Variants in FBXO38 observed in about 807,000 individuals in gnomAD.
FBXO38 encodes the protein F-box protein 38.
In FBXO38, 53 loss-of-function variants were observed where a neutral mutation model predicts 131.9. The observed-to-expected ratio is 0.40, with a 90% CI of 0.32 to 0.51. The LOEUF is 0.51. Ranked by LOEUF, FBXO38 falls within the 20% of genes least tolerant of loss-of-function variation. FBXO38 has a pLI of 0.53. For missense variants in FBXO38, 1,076 were observed against 1,475.6 expected, an observed-to-expected ratio of 0.73 and a Z score of 4.44; for synonymous variants, 452 against 505.6, an observed-to-expected ratio of 0.89 and a Z score of 1.42.
At chr5:148,430,710 T>C (rs903157205) in intron 15 of FBXO38, 3 of 152,194 alleles carry the variant, frequency 2.0e-5, no homozygotes, top group African/African-American at 7.2e-5. Flanking sequence ...GTTAAAGATT[T>C]TTAAAAATCA....
intron 19 of FBXO38, among the ~76,000 whole-genome samples, chr5:148,440,124 T>C (rs1269197999): frequency 1.3e-5 from 2 of 152,214 alleles, no homozygotes; most frequent in African/African-American, 4.8e-5. Flanking sequence ...TCAGAAAATT[T>C]GACTTTTATA....
Position 148,427,966 on chromosome 5 carries a change from GATT to G in FBXO38, c.2653+21_2653+23del. 6.7e-7 allele frequency: 1 copy of G among 1,486,590 alleles called. No homozygotes were observed. The highest frequency in any genetic ancestry group is 9.0e-7 in the Non-Finnish European group (1 of 1,117,274). The allele number at this position is 1,486,590 out of a possible 1,614,324, so 92.1% of individuals were successfully genotyped here. On this transcript the variant is annotated intron_variant, in intron 15 of 21. Transcript: ENST00000340253. ...GAGTCAGGTATGACAATGCTCCTAG[GATT>G]AGCAACTGCAGGGTAGGGCTGCAGA...
chr5:148,407,018 C>T (rs1752481209), intron 7 of FBXO38, among the ~76,000 whole-genome samples: 1 of 152,116 alleles, frequency 6.6e-6, no homozygotes, highest in Non-Finnish European at 1.5e-5. Flanking sequence ...TTAACTTTGG[C>T]TCTCTAAAAT....
At chr5:148,438,293 A>G (rs752761648) in intron 17 of FBXO38, 39 bp from the exon 18 acceptor site, 3 of 1,594,280 alleles carry the variant, frequency 1.9e-6, no homozygotes, top group East Asian at 2.2e-5. Context: ...CTCTCCAAAG[A>G]TGATATGTAC....
chr5:148,397,027 A>G (rs1758516888), intron 2 of FBXO38, among the ~76,000 whole-genome samples: 2 of 152,208 alleles, frequency 1.3e-5, no homozygotes. Flanking sequence ...AGAAAACAGC[A>G]TTTGACAGCA....
Position 148,423,778 on chromosome 5 carries a change from A to G in FBXO38, c.1619-220A>G, listed in dbSNP as rs550024977. The stretch of plus-strand genomic sequence containing the variant: ...TGAGTTTGATGGGCTTTCTCCAACA[A>G]ATGATCCTTTCCCATCTGTGATTTT... On this transcript the variant is annotated intron_variant, in intron 12 of 21. Transcript: ENST00000340253. 1.9e-5 allele frequency: 6 copies of G among 317,972 alleles called. No individual in the cohort carries two copies. In the East Asian group the frequency reaches 2.5e-4, roughly 13 times the overall value. The allele number at this position is 317,972 out of a possible 1,614,324, so 19.7% of individuals were successfully genotyped here. A position where few individuals can be genotyped will look rare whatever the true frequency, so the allele number is the denominator to read the frequency against.
chr5:148,398,300 A>G (rs1039243685), intron 2 of FBXO38, among the ~76,000 whole-genome samples: 2 of 152,168 alleles, frequency 1.3e-5, no homozygotes, highest in African/African-American at 4.8e-5. Context: ...TTCAGAATAT[A>G]TAACAGAACA....
Position 148,440,569 on chromosome 5 carries a change from A to G in FBXO38, c.3274+42A>G, listed in dbSNP as rs774708171. On this transcript the variant is annotated intron_variant, in intron 20 of 21. Coordinates refer to ENST00000340253, the MANE Select transcript of FBXO38 (RefSeq NM_205836.3). ...GTTTAGAAAGTTAAATAGCCTGTGC[A>G]GTACTTACCTCTGTAATCCCAGCGA... 6.6e-6 allele frequency: 8 copies of G among 1,207,984 alleles called. No individual in the cohort carries two copies. In the East Asian group the frequency reaches 9.6e-5, roughly 15 times the overall value. The allele number at this position is 1,207,984 out of a possible 1,614,324, so 74.8% of individuals were successfully genotyped here.
chr5:148,426,591 A>G (rs1753725008), intron 14 of FBXO38, among the ~76,000 whole-genome samples: 1 of 152,224 alleles, frequency 6.6e-6, no homozygotes. Context: ...TGCAGTTTCT[A>G]AATTTAGCAA....
Position 148,440,493 on chromosome 5 carries a change from G to A in FBXO38, c.3240G>A (p.Lys1080=), listed in dbSNP as rs1754612505. 1 of 1,611,052 alleles carries A rather than the reference G, an allele frequency of 6.2e-7. No homozygotes were observed. The highest frequency in any genetic ancestry group is 8.5e-7 in the Non-Finnish European group (1 of 1,177,498). ...RSEEDLKKYP[K]YPWGREIYTL... is the part of the protein sequence containing the mutation. ...AAGAAGACTTAAAGAAATACCCCAA[G>A]TACCCCTGGGGGAGAGAAATCTATA... is the stretch of plus-strand genomic sequence containing the variant. The change falls in exon 20 of 22, where the codon AAG becomes AAA. Residue 1080 remains lysine, a synonymous_variant. Coordinates refer to ENST00000340253, the MANE Select transcript of FBXO38 (RefSeq NM_205836.3).
intron 15 of FBXO38, chr5:148,430,152 A>G (rs199865784): frequency 2.5e-5 from 3 of 118,672 alleles, no homozygotes; most frequent in African/African-American, 4.0e-5. Flanking sequence ...AATTATTATT[A>G]TTATTATTTT....
intron 9 of FBXO38, chr5:148,413,235 A>G (rs896142946): frequency 2.6e-5 from 4 of 152,182 alleles, no homozygotes; most frequent in African/African-American, 9.7e-5. Flanking sequence ...TGTCAACTAT[A>G]TGGAAAGTAA....
rs539184826 is a variant in FBXO38, at chr5:148,428,055, A to G, written c.2653+108A>G. The G allele has an allele frequency of 9.3e-5, 119 of 1,283,320 alleles. No individual in the cohort carries two copies. In the African/African-American group the frequency reaches 1.5e-3, roughly 16 times the overall value. The allele number at this position is 1,283,320 out of a possible 1,614,324, so 79.5% of individuals were successfully genotyped here. A position where few individuals can be genotyped will look rare whatever the true frequency, so the allele number is the denominator to read the frequency against. ...AAGCCAGTTTGGCAAATTAAATTCT[A>G]TTTTGGGGTTTTGTGGGTCATGTGA... On this transcript the variant is annotated intron_variant, in intron 15 of 21. Transcript: ENST00000340253.
chr5:148,415,930 C>G lies in FBXO38; in HGVS notation c.1267C>G (p.His423Asp). The change falls in exon 11 of 22, where the codon CAC (histidine) becomes GAC (aspartate). Residue 423 changes from histidine (H) to aspartate (D), a missense_variant and splice_region_variant. By Grantham distance (81) the His-to-Asp change is moderately conservative (BLOSUM62 -1). Transcript: ENST00000340253. ...TGGTCATGTCATTTCTTTAACAGACCACTCAAGATGGACTCGATTGGTTGA... is the reference window on the plus strand; with the variant it reads ...TGGTCATGTCATTTCTTTAACAGACGACTCAAGATGGACTCGATTGGTTGA... The part of the protein sequence containing the change: ...LHNPYNWISD[H>D]SRWTRLVDIN... 1 of 1,613,340 alleles carries G rather than the reference C, an allele frequency of 6.2e-7. No homozygotes were observed. The highest frequency in any genetic ancestry group is 1.3e-5 in the African/African-American group (1 of 74,944).
At chr5:148,431,531 T>G (rs550688415) in intron 15 of FBXO38, among the ~76,000 whole-genome samples, 10 of 152,174 alleles carry the variant, frequency 6.6e-5, no homozygotes, top group Non-Finnish European at 1.5e-4. Flanking sequence ...AATCAGATCA[T>G]AAAAGTATTT....
chr5:148,422,268 A>G (rs1753484927), intron 12 of FBXO38, among the ~76,000 whole-genome samples: 1 of 152,194 alleles, frequency 6.6e-6, no homozygotes, highest in Non-Finnish European at 1.5e-5. Flanking sequence ...GCCTGCCCTC[A>G]TCTTGTACTA....
At chr5:148,425,982 C>A (rs559831533) in intron 14 of FBXO38, among the ~76,000 whole-genome samples, 24 of 152,140 alleles carry the variant, frequency 1.6e-4, no homozygotes, top group African/African-American at 5.1e-4. Flanking sequence ...GATTAGTGAG[C>A]GAAAAGCCTG....
chr5:148,414,088 CA>C (rs780128844), intron 9 of FBXO38, 47 bp from the exon 10 acceptor site: 30 of 1,555,256 alleles, frequency 1.9e-5, no homozygotes, highest in Non-Finnish European at 1.9e-5. Context: ...CACTCCCTAA[CA>C]CTTAAGAATT....
chr5:148,416,695 A>C, intron 11 of FBXO38: 1 of 367,514 alleles, frequency 2.7e-6, no homozygotes, highest in Non-Finnish European at 5.0e-6. Context: ...AAAGCTCAGG[A>C]TTTAAGGTCA....
Sources: allele counts gnomAD v4.1 joint callset (sites outside exome capture counted in the v4.1 genomes callset), GRCh38; gene constraint gnomAD v4.1.1; transcripts MANE v1.5; gene names NCBI Gene and HGNC (gene_info 2026-07-23, HGNC 2026-07-21).